Variants in CDH13 observed in about 807,000 individuals in gnomAD.
CDH13 encodes the protein cadherin-13.
A neutral mutation model predicts 63.8 loss-of-function variants in CDH13; 24 were observed. The observed-to-expected ratio is 0.38, with a 90% CI of 0.27 to 0.53. The LOEUF (loss-of-function observed/expected upper bound fraction) is 0.53. Among genes scored for constraint, CDH13 ranks in the 20% least tolerant of loss-of-function variants. The pLI is 0.85. For synonymous variants in CDH13, 503 were observed against 355.3 expected (o/e 1.42, Z -4.67); for missense variants, 1,049 against 903.1 (o/e 1.16, Z -2.07).
intron 1 of CDH13, among the ~76,000 whole-genome samples, chr16:82,692,618 A>G (rs928323445): frequency 6.6e-6 from 1 of 152,194 alleles, no homozygotes; most frequent in South Asian, 2.1e-4. Flanking sequence ...TGAGATTTGA[A>G]TGGGAGCCCA....
In CDH13 at chr16:82,862,136, C is replaced by T. The variant is rs183163003; in HGVS notation, c.157+3663C>T. Among the ~76,000 whole-genome samples, 5 of 152,264 alleles carry T rather than the reference C, an allele frequency of 3.3e-5. No individual in the cohort carries two copies. The East Asian group carries it at 9.6e-4, about 29-fold the overall frequency. ...GGCACCCATATCTCCCTCAAATTGCCCAGCATGGTAGATCTTGCTTTTCCC... is the reference window on the plus strand; with the variant it reads ...GGCACCCATATCTCCCTCAAATTGCTCAGCATGGTAGATCTTGCTTTTCCC... On this transcript the variant is annotated intron_variant, in intron 2 of 13. Coordinates refer to ENST00000567109, the MANE Select transcript of CDH13 (RefSeq NM_001257.5).
chr16:83,489,229 A>G (rs2073957686), intron 7 of CDH13, among the ~76,000 whole-genome samples: 1 of 152,230 alleles, frequency 6.6e-6, no homozygotes, highest in Non-Finnish European at 1.5e-5. Flanking sequence ...TTTAGGGGAC[A>G]AATGTGTTTC....
At chr16:82,828,592 A>T (rs937275696) in intron 1 of CDH13, among the ~76,000 whole-genome samples, 2 of 152,140 alleles carry the variant, frequency 1.3e-5, no homozygotes, top group Non-Finnish European at 2.9e-5. Flanking sequence ...ACTGCACTCC[A>T]GCCTGGGCAA....
At chr16:83,657,188 A>T (rs1477958593) in intron 8 of CDH13, among the ~76,000 whole-genome samples, 1 of 152,242 alleles carries the variant, frequency 6.6e-6, no homozygotes, top group African/African-American at 2.4e-5. Flanking sequence ...GTAAAGAAAC[A>T]GCCATATGAG....
At chr16:83,067,066 T>A (rs2032073725) in intron 3 of CDH13, among the ~76,000 whole-genome samples, 1 of 152,168 alleles carries the variant, frequency 6.6e-6, no homozygotes, top group African/African-American at 2.4e-5. Context: ...GTTTTAAGCG[T>A]CCTTCATTCT....
intron 6 of CDH13, among the ~76,000 whole-genome samples, chr16:83,426,226 T>C (rs2071891269): frequency 6.6e-6 from 1 of 152,076 alleles, no homozygotes; most frequent in Non-Finnish European, 1.5e-5. Context: ...CCTAATGCAT[T>C]GAGATTCTAG....
At chr16:83,155,848 C>T (rs1449331134) in intron 4 of CDH13, among the ~76,000 whole-genome samples, 1 of 152,180 alleles carries the variant, frequency 6.6e-6, no homozygotes, top group African/African-American at 2.4e-5. Context: ...AGTTCTCAAA[C>T]CTTGGCTGCA....
intron 7 of CDH13, among the ~76,000 whole-genome samples, chr16:83,525,900 C>G (rs2074948910): frequency 6.6e-6 from 1 of 152,128 alleles, no homozygotes; most frequent in African/African-American, 2.4e-5. Context: ...GGGCCACAAA[C>G]CAAGGAACAT....
chr16:82,627,375 T>A (rs565473103), intron 1 of CDH13, among the ~76,000 whole-genome samples: 69 of 149,918 alleles, frequency 4.6e-4, no homozygotes, highest in African/African-American at 1.6e-3. Context: ...TGTGTGTGTG[T>A]GTGTGTACGT....
At chr16:82,647,228 C>T (rs150200490) in intron 1 of CDH13, among the ~76,000 whole-genome samples, 2 of 152,148 alleles carry the variant, frequency 1.3e-5, no homozygotes, top group Non-Finnish European at 2.9e-5. Context: ...CTTGTAAACA[C>T]TTGGTCCAGC....
At chr16:83,715,408 G>A (rs1300990818) in intron 10 of CDH13, among the ~76,000 whole-genome samples, 1 of 152,180 alleles carries the variant, frequency 6.6e-6, no homozygotes, top group Non-Finnish European at 1.5e-5. Context: ...TCAGGCAGTT[G>A]TTTGTTTTAG....
chr16:82,950,217 G>C (rs1415689631), intron 2 of CDH13, among the ~76,000 whole-genome samples: 1 of 152,080 alleles, frequency 6.6e-6, no homozygotes, highest in East Asian at 1.9e-4. Context: ...CTGGAGGTTT[G>C]CTAGAAACCT....
At chr16:83,417,261 A>G (rs1010822527) in intron 6 of CDH13, among the ~76,000 whole-genome samples, 2 of 152,024 alleles carry the variant, frequency 1.3e-5, no homozygotes, top group Non-Finnish European at 1.5e-5. Context: ...CAAATACCAA[A>G]TTGACTCCTT....
intron 1 of CDH13, among the ~76,000 whole-genome samples, chr16:82,781,992 T>C (rs2035776296): frequency 1.3e-5 from 2 of 152,218 alleles, no homozygotes; most frequent in Non-Finnish European, 2.9e-5. Context: ...AAATGTCATA[T>C]GTGGTAAAAG....
intron 2 of CDH13, among the ~76,000 whole-genome samples, chr16:82,860,386 T>TGGGGGGGGGGG (rs1212112335): frequency 3.2e-5 from 1 of 31,258 alleles, no homozygotes; most frequent in African/African-American, 1.4e-4. Flanking sequence ...TGTGTGTGTG[T>TGGGGGGGGGGG]GTGGGGGGGG....
chr16:83,457,890 G>C (rs1182831164), intron 6 of CDH13, among the ~76,000 whole-genome samples: 1 of 152,174 alleles, frequency 6.6e-6, no homozygotes, highest in Non-Finnish European at 1.5e-5. Flanking sequence ...ATTTTCAAAA[G>C]CTCCCCAGGG....
chr16:82,728,281 C>G (rs1219130549), intron 1 of CDH13, among the ~76,000 whole-genome samples: 1 of 152,118 alleles, frequency 6.6e-6, no homozygotes, highest in African/African-American at 2.4e-5. Flanking sequence ...TACTAATCTC[C>G]TCAACCTGGC....
chr16:83,531,057 T>A (rs1420083250), intron 7 of CDH13, among the ~76,000 whole-genome samples: 1 of 152,218 alleles, frequency 6.6e-6, no homozygotes, highest in Non-Finnish European at 1.5e-5. Flanking sequence ...TAAATAACTT[T>A]CTTCCGGTAA....
At chr16:83,461,007 A>ACACACG (rs1290288992) in intron 6 of CDH13, among the ~76,000 whole-genome samples, 1 of 151,190 alleles carries the variant, frequency 6.6e-6, no homozygotes, top group African/African-American at 2.4e-5. Flanking sequence ...ACACACACAC[A>ACACACG]CACACACACA....
Sources: allele counts gnomAD v4.1 joint callset (sites outside exome capture counted in the v4.1 genomes callset), GRCh38; gene constraint gnomAD v4.1.1; transcripts MANE v1.5; gene names NCBI Gene and HGNC (gene_info 2026-07-23, HGNC 2026-07-21).